The following LRP1 variants were observed in gnomAD, a reference collection of about 807,000 sequenced individuals.
LRP1 encodes the protein prolow-density lipoprotein receptor-related protein 1.
Under a neutral mutation model 541.5 loss-of-function variants are expected in LRP1, and 51 were observed. The ratio of observed to expected loss-of-function variants is 0.09; its 90% CI spans 0.08 to 0.12. LRP1 has a LOEUF of 0.12. Ranked by LOEUF, LRP1 falls within the 10% of genes least tolerant of loss-of-function variation. The pLI is 1.00. For synonymous variants in LRP1, 2,219 were observed against 2,470.8 expected (o/e 0.90, Z 3.02); for missense variants, 3,878 against 6,376.2 (o/e 0.61, Z 13.34).
Position 57,205,820 on chromosome 12 carries a change from G to C in LRP1, c.11590+143G>C. On this transcript the variant is annotated intron_variant, in intron 75 of 88. Coordinates refer to ENST00000243077, the MANE Select transcript of LRP1 (RefSeq NM_002332.3). The surrounding 1 kb of genome is among the most constrained non-coding windows in gnomAD (Gnocchi z 4.6). ...CAGACTCATAGTTGCAGCTGCCTGA[G>C]CACAGTGCTGGCCCAGCAGTGGGGG... is the stretch of plus-strand genomic sequence containing the variant. 1 of 1,284,638 alleles carries C rather than the reference G, an allele frequency of 7.8e-7. No homozygotes were observed. The highest frequency in any genetic ancestry group is 1.4e-5 in the South Asian group (1 of 69,780). The allele number at this position is 1,284,638 out of a possible 1,614,324, so 79.6% of individuals were successfully genotyped here. A position where few individuals can be genotyped will look rare whatever the true frequency, so the allele number is the denominator to read the frequency against.
At chr12:57,160,117 T>C in intron 12 of LRP1, 112 bp downstream of exon 12, 2 of 1,063,752 alleles carry the variant, frequency 1.9e-6, no homozygotes, top group South Asian at 1.5e-5. Context: ...CGGGATACTT[T>C]AGCAGGAATG....
chr12:57,160,163 G>C (rs545516704), intron 12 of LRP1, among the ~76,000 whole-genome samples, 158 bp downstream of exon 12: 1 of 152,238 alleles, frequency 6.6e-6, no homozygotes, highest in South Asian at 2.1e-4. Context: ...CCTGTCTTCA[G>C]GGAAATGGGA....
At position 57,178,675 on chromosome 12, in the gene LRP1, G is replaced by A. The variant is rs1224220705; in HGVS notation, c.4606+72G>A. 8.8e-6 allele frequency: 14 copies of A among 1,599,322 alleles called. No individual in the cohort carries two copies. The highest frequency in any genetic ancestry group is 7.7e-6 in the Non-Finnish European group (9 of 1,171,430). ...CTTTAGAAGCTGTAGAAGCTCTTAG[G>A]AGAGGAGAGGGCAGTGAGAACAGGA... On this transcript the variant is annotated intron_variant, in intron 27 of 88. Coordinates refer to ENST00000243077, the MANE Select transcript of LRP1 (RefSeq NM_002332.3). The surrounding 1 kb of genome is among the most constrained non-coding windows in gnomAD (Gnocchi z 5.8).
Position 57,156,777 on chromosome 12 carries a change from T to C in LRP1, c.1418T>C (p.Val473Ala). 6.2e-7 allele frequency: 1 copy of C among 1,605,922 alleles called. No individual in the cohort carries two copies. The highest frequency in any genetic ancestry group is 8.5e-7 in the Non-Finnish European group (1 of 1,174,804). Residue 473 changes from valine to alanine, a missense_variant and splice_region_variant, in exon 10 of 89, where the codon GTG (valine) becomes GCG (alanine). Physicochemically the swap from Val to Ala is moderately conservative, Grantham distance 64. Coordinates refer to ENST00000243077, the MANE Select transcript of LRP1 (RefSeq NM_002332.3). This position sits in a 1 kb window ranked among gnomAD's most constrained non-coding sequence, Gnocchi z 5.2. ...TAACAGCTCTTCACCCTGCCCCCAGTGAGGAGCCATGCCTGTGAAAACGAC... is the reference window on the plus strand; with the variant it reads ...TAACAGCTCTTCACCCTGCCCCCAGCGAGGAGCCATGCCTGTGAAAACGAC... Reference protein sequence around the residue: ...HIYHQRRQPRVRSHACENDQY... With the variant: ...HIYHQRRQPRARSHACENDQY...
In LRP1 at chr12:57,210,764, C is replaced by T. The variant is rs1555189005; in HGVS notation, c.12801C>T (p.Cys4267=). ...CCACGGGCTTCACGGGCCCCAAATGCACCCAGCAGGTGTGTGCGGGCTACT... is the reference window on the plus strand; with the variant it reads ...CCACGGGCTTCACGGGCCCCAAATGTACCCAGCAGGTGTGTGCGGGCTACT... ...RCPTGFTGPK[C]TQQVCAGYCA... The change falls in exon 83 of 89, where the codon TGC becomes TGT. Residue 4267 remains cysteine (C), a synonymous_variant. Transcript: ENST00000243077. 1 of 1,612,242 alleles carries T rather than the reference C, an allele frequency of 6.2e-7. No homozygotes were observed. Among genetic ancestry groups the T allele is most frequent in the African/African-American group, 1.3e-5 (1 of 74,920 alleles).
intron 6 of LRP1, chr12:57,150,022 A>G (rs2035496232): frequency 2.1e-6 from 1 of 466,060 alleles, no homozygotes; most frequent in Non-Finnish European, 3.9e-6. Flanking sequence ...AGAACAACAG[A>G]CTCAGTCTTC....
Position 57,205,007 on chromosome 12 carries a change from C to A in LRP1, c.11195-102C>A. The A allele has an allele frequency of 6.7e-7, 1 of 1,498,538 alleles. No homozygotes were observed. The highest frequency in any genetic ancestry group is 1.3e-5 in the South Asian group (1 of 76,866). The allele number at this position is 1,498,538 out of a possible 1,614,324, so 92.8% of individuals were successfully genotyped here. A position where few individuals can be genotyped will look rare whatever the true frequency, so the allele number is the denominator to read the frequency against. Reference sequence around the variant, plus strand: ...ATGTTTGACCTGCTCCCCCTGCAAGCCTTGTCACTTAGGAATTGGGAGCCA... The same window carrying A: ...ATGTTTGACCTGCTCCCCCTGCAAGACTTGTCACTTAGGAATTGGGAGCCA... On this transcript the variant is annotated intron_variant, in intron 72 of 88. Coordinates refer to ENST00000243077, the MANE Select transcript of LRP1 (RefSeq NM_002332.3). This position sits in a 1 kb window ranked among gnomAD's most constrained non-coding sequence, Gnocchi z 4.6.
intron 58 of LRP1, 101 bp from the exon 59 acceptor site, chr12:57,198,055 G>A: frequency 1.0e-6 from 1 of 990,116 alleles, no homozygotes; most frequent in Non-Finnish European, 1.5e-6. Context: ...GTCAGAGGGA[G>A]CTCTACCCCA....
In LRP1 at chr12:57,177,374, T is replaced by C. The variant is rs1057363307; in HGVS notation, c.4197-53T>C. On this transcript the variant is annotated intron_variant, in intron 25 of 88. Transcript: ENST00000243077. This position sits in a 1 kb window ranked among gnomAD's most constrained non-coding sequence, Gnocchi z 6.8. The stretch of plus-strand genomic sequence containing the variant: ...CCCTCTACCTACGATCCCACCACAG[T>C]CGCTCCCTGAGGGCCCTGACTTTAG... 16 of 1,563,414 alleles carry C rather than the reference T, an allele frequency of 1.0e-5. No homozygotes were observed. The Admixed American group carries it at 2.6e-4, about 25-fold the overall frequency.
intron 6 of LRP1, chr12:57,148,971 A>C: frequency 1.6e-6 from 1 of 613,644 alleles, no homozygotes; most frequent in South Asian, 1.9e-5. Flanking sequence ...TTATTTATTT[A>C]TTTTTTTAGT....
chr12:57,155,979 C>T (rs1017230764), intron 8 of LRP1, 115 bp from the exon 9 acceptor site: 3 of 787,898 alleles, frequency 3.8e-6, no homozygotes, highest in East Asian at 2.5e-5. Context: ...TTAAAAACTA[C>T]AGGATGAATT....
At chr12:57,148,953 C>CCTTT in intron 6 of LRP1, 1 of 595,612 alleles carries the variant, frequency 1.7e-6, no homozygotes, top group South Asian at 2.0e-5. Flanking sequence ...CCTTCCTCTC[C>CCTTT]CTTTCTTTTA....
At chr12:57,132,194 T>C (rs1184809487) in intron 1 of LRP1, 1 of 152,302 alleles carries the variant, frequency 6.6e-6, no homozygotes, top group Admixed American at 6.5e-5. Context: ...CTGCATTGTT[T>C]GGAGAAGGAA....
At chr12:57,157,091 A>G (rs572734581) in intron 10 of LRP1, among the ~76,000 whole-genome samples, 171 bp downstream of exon 10, 1 of 152,326 alleles carries the variant, frequency 6.6e-6, no homozygotes, top group East Asian at 1.9e-4. Flanking sequence ...ATTCGAAAAA[A>G]GTGCTTTTCT....
chr12:57,211,601 C>T lies in LRP1; in HGVS notation c.13193+13C>T, dbSNP rs756375222. On this transcript the variant is annotated intron_variant, in intron 85 of 88. Coordinates refer to ENST00000243077, the MANE Select transcript of LRP1 (RefSeq NM_002332.3). The surrounding 1 kb of genome is among the most constrained non-coding windows in gnomAD (Gnocchi z 4.3). ...TGCCTGAGTGCCAGTGAGTTGGGCC[C>T]GGGCTTCACCCAGGCATAGATCATC... The T allele has an allele frequency of 1.2e-5, 20 of 1,612,828 alleles. No individual in the cohort carries two copies. The highest frequency in any genetic ancestry group is 2.2e-5 in the East Asian group (1 of 44,880).
At chr12:57,141,281 C>T (rs2035284879) in intron 2 of LRP1, 93 bp from the exon 3 acceptor site, 1 of 1,483,068 alleles carries the variant, frequency 6.7e-7, no homozygotes, top group Non-Finnish European at 9.2e-7. Context: ...AGATCTGAAA[C>T]CCCAGTTTTA....
rs1461904608 is a variant in LRP1, at chr12:57,212,099, A to G, written c.13350-18A>G. 3 of 1,612,944 alleles carry G rather than the reference A, an allele frequency of 1.9e-6. No homozygotes were observed. The highest frequency in any genetic ancestry group is 2.5e-6 in the Non-Finnish European group (3 of 1,179,726). On this transcript the variant is annotated intron_variant, in intron 87 of 88. Transcript: ENST00000243077. This position sits in a 1 kb window ranked among gnomAD's most constrained non-coding sequence, Gnocchi z 5.0. ...CCCCCAATAATCTCTGTCTCCTTAT[A>G]CTCCTGCCTTTCCCCAGGGCTAAGG...
rs2036781615 is a variant in LRP1, at chr12:57,206,474, C to T, written c.11592C>T (p.Gly3864=). The T allele has an allele frequency of 6.2e-7, 1 of 1,613,746 alleles. No homozygotes were observed. Among genetic ancestry groups the T allele is most frequent in the South Asian group, 1.1e-5 (1 of 91,072 alleles). Residue 3864 remains glycine (G), a splice_region_variant and synonymous_variant, in exon 76 of 89, where the codon GGC becomes GGT. Coordinates refer to ENST00000243077, the MANE Select transcript of LRP1 (RefSeq NM_002332.3). This position sits in a 1 kb window ranked among gnomAD's most constrained non-coding sequence, Gnocchi z 4.7. ...AGCCCTGGCCTCTTGCTTCTCCAGG[C>T]TCTGAGTACCAGGTCCTGTACATCG... The part of the protein sequence containing the change: ...MKTHNTCKAE[G]SEYQVLYIAD...
Position 57,210,834 on chromosome 12 carries a change from C to A in LRP1, c.12871C>A (p.Gln4291Lys). 1 of 1,613,324 alleles carries A rather than the reference C, an allele frequency of 6.2e-7. No individual in the cohort carries two copies. Among genetic ancestry groups the A allele is most frequent in the Non-Finnish European group, 8.5e-7 (1 of 1,179,744 alleles). Residue 4291 changes from glutamine to lysine, a missense_variant, in exon 83 of 89, where the codon CAG becomes AAG. By Grantham distance (53) the Gln-to-Lys change is moderately conservative. Transcript: ENST00000243077. ...CACTGTCAACCAGGGCAACCAGCCC[C>A]AGTGCCGATGCCTACCCGGCTTCCT... ...TCTVNQGNQP[Q>K]CRCLPGFLGD... is the part of the protein sequence containing the mutation.
Sources: allele counts gnomAD v4.1 joint callset (sites outside exome capture counted in the v4.1 genomes callset), GRCh38; gene constraint gnomAD v4.1.1; non-coding constraint Gnocchi (gnomAD v3.1); transcripts MANE v1.5; gene names NCBI Gene and HGNC (gene_info 2026-07-23, HGNC 2026-07-21).